SAMD9: variants seen among roughly 807,000 people sequenced by gnomAD.
The protein encoded by SAMD9 is sterile alpha motif domain containing 9.
A neutral mutation model predicts 1.5 loss-of-function variants in SAMD9; 3 were observed. That is an observed-to-expected ratio of 2.05 (90% CI 0.93 to 5.29). SAMD9 has a LOEUF of 5.29. Among genes scored for constraint, SAMD9 ranks in the 30% most tolerant of loss-of-function variants. The pLI is 0.02. For synonymous variants in SAMD9, 635 were observed against 631.9 expected, an observed-to-expected ratio of 1.00 and a Z score of -0.07; for missense variants, 1,597 against 1,820.8, an observed-to-expected ratio of 0.88 and a Z score of 2.24.
chr7:93,109,829 G>A (rs1791709031), intron 2 of SAMD9, among the ~76,000 whole-genome samples: 1 of 152,204 alleles, frequency 6.6e-6, no homozygotes, highest in South Asian at 2.1e-4. Context: ...ATCTACGTTT[G>A]ATTTGTGTAC....
chr7:93,102,855 A>G lies in SAMD9; in HGVS notation c.3243T>C (p.Asn1081=), dbSNP rs139484963. 41 of 1,613,732 alleles carry G rather than the reference A, an allele frequency of 2.5e-5. No individual in the cohort carries two copies. The highest frequency in any genetic ancestry group is 3.5e-5 in the Non-Finnish European group (41 of 1,179,804). Residue 1081 remains asparagine, a synonymous_variant, in exon 3 of 3, where the codon AAT becomes AAC. Coordinates refer to ENST00000379958, the MANE Select transcript of SAMD9 (RefSeq NM_017654.4). ...TTGCCAACGCTTGGCAAATGAATGC[A>G]TTTGGGTTGAACCGATGGATACTTT... ...LLESIHRFNP[N]AFICQALARH... is the part of the protein sequence containing the mutation.
intron 1 of SAMD9, 44 bp from the exon 2 acceptor site, chr7:93,114,939 A>G (rs1562779935): frequency 1.3e-5 from 2 of 152,236 alleles, no homozygotes; most frequent in Admixed American, 6.5e-5. Context: ...TCACAAAGTC[A>G]TCAATAGACC....
In SAMD9 at chr7:93,106,058, A is replaced by C; in HGVS notation, c.40T>G (p.Trp14Gly). ...CACTGATTTACATCCTCTTTTGTCCAATCATCTGTATTTTCTGGAAGGTTA... is the reference window on the plus strand; with the variant it reads ...CACTGATTTACATCCTCTTTTGTCCCATCATCTGTATTTTCTGGAAGGTTA... ...QLNLPENTDDWTKEDVNQWLE... is the reference protein window; with the variant it reads ...QLNLPENTDDGTKEDVNQWLE... Residue 14 changes from tryptophan to glycine, a missense_variant, in exon 3 of 3, where the codon TGG becomes GGG. By Grantham distance (184) the Trp-to-Gly change is radical. Around this residue, in one of 6 missense-constraint regions of SAMD9, gnomAD observed 498 missense variants for 457.4 expected, o/e 1.09. Transcript: ENST00000379958. The C allele has an allele frequency of 6.3e-7, 1 of 1,592,024 alleles. No individual in the cohort carries two copies. Among genetic ancestry groups the C allele is most frequent in the Non-Finnish European group, 8.5e-7 (1 of 1,173,648 alleles).
At chr7:93,108,124 A>G (rs1791674630) in intron 2 of SAMD9, among the ~76,000 whole-genome samples, 1 of 152,338 alleles carries the variant, frequency 6.6e-6, no homozygotes, top group South Asian at 2.1e-4. Context: ...AAATGGAAGA[A>G]TGGGTGTGGC....
rs1259165222 is a variant in SAMD9, at chr7:93,099,893, T to C, written c.*1435A>G. ...ATTTACAAATACTTTAGTATGTATC[T>C]CTAAAAGGCATGAACTCTTTAAAAA... is the stretch of plus-strand genomic sequence containing the variant. On this transcript the variant is annotated 3_prime_UTR_variant, in exon 3 of 3. Transcript: ENST00000379958. 1.3e-5 allele frequency: 2 copies of C among 152,210 alleles called. No individual in the cohort carries two copies. The highest frequency in any genetic ancestry group is 4.8e-5 in the African/African-American group (2 of 41,454). The allele number at this position is 152,210 out of a possible 1,614,324, so 9.4% of individuals were successfully genotyped here. A position where few individuals can be genotyped will look rare whatever the true frequency, so the allele number is the denominator to read the frequency against.
intron 2 of SAMD9, among the ~76,000 whole-genome samples, chr7:93,107,842 G>T (rs1791671008): frequency 6.6e-6 from 1 of 152,058 alleles, no homozygotes; most frequent in Non-Finnish European, 1.5e-5. Context: ...GGCAAAGATA[G>T]GCAATATCTT....
chr7:93,111,728 G>T (rs1236595711), intron 2 of SAMD9, among the ~76,000 whole-genome samples: 1 of 152,068 alleles, frequency 6.6e-6, no homozygotes, highest in African/African-American at 2.4e-5. Context: ...TAAATTCCTC[G>T]ACACATACAC....
In SAMD9 at chr7:93,102,085, G is replaced by A; in HGVS notation, c.4013C>T (p.Ala1338Val). 1 of 1,613,184 alleles carries A rather than the reference G, an allele frequency of 6.2e-7. No homozygotes were observed. ...QVERCRRNLVALKADKFSGLL... is the reference protein window; with the variant it reads ...QVERCRRNLVVLKADKFSGLL... ...CCCAGAAAACTTGTCTGCTTTTAAA[G>A]CTACTAGGTTTCTCCTGCATCTCTC... Residue 1338 changes from alanine to valine, a missense_variant, in exon 3 of 3, where the codon GCT (alanine) becomes GTT (valine). Physicochemically the swap from Ala to Val is moderately conservative, Grantham distance 64. Around this residue, in one of 6 missense-constraint regions of SAMD9, gnomAD observed 682 missense variants for 810.0 expected, o/e 0.84. Transcript: ENST00000379958.
At chr7:93,113,905 T>C (rs1261513684) in intron 2 of SAMD9, among the ~76,000 whole-genome samples, 1 of 152,160 alleles carries the variant, frequency 6.6e-6, no homozygotes, top group Non-Finnish European at 1.5e-5. Context: ...TCCTCAAGGA[T>C]CTAGAACTAG....
Position 93,102,644 on chromosome 7 carries a change from G to A in SAMD9, c.3454C>T (p.Leu1152Phe), listed in dbSNP as rs1791553808. The A allele has an allele frequency of 2.5e-6, 4 of 1,613,678 alleles. No homozygotes were observed. The highest frequency in any genetic ancestry group is 2.5e-6 in the Non-Finnish European group (3 of 1,179,796). The stretch of plus-strand genomic sequence containing the variant: ...GAGGCATGTTCTGCTAAATCCAAAA[G>A]AGCAATTAGATCATCAACTGAAATG... ...GNISVDDLIALLDLAEHASSA... is the reference protein window; with the variant it reads ...GNISVDDLIAFLDLAEHASSA... The change falls in exon 3 of 3, where the codon CTT becomes TTT. Residue 1152 changes from leucine (L) to phenylalanine (F), a missense_variant. Physicochemically the swap from Leu to Phe is conservative, Grantham distance 22. Transcript: ENST00000379958.
chr7:93,115,071 G>A (rs114162958), intron 1 of SAMD9, among the ~76,000 whole-genome samples, 176 bp from the exon 2 acceptor site: 2,428 of 152,238 alleles, frequency 0.016, 64 homozygotes, highest in African/African-American at 0.055. Context: ...ACCGGGAGGA[G>A]GAAAACCAGT....
Position 93,106,029 on chromosome 7 carries a change from TA to T in SAMD9, c.68del (p.Leu23Ter). Reference sequence around the variant, plus strand: ...GTTTTTGGTCAATCTTATGACTTTCTAACCACTGATTTACATCCTCTTTTGT... The same window carrying T: ...GTTTTTGGTCAATCTTATGACTTTCTACCACTGATTTACATCCTCTTTTGT... ...DWTKEDVNQW[L>X]ESHKIDQKHR... On this transcript the variant is annotated frameshift_variant, in exon 3 of 3. Coordinates refer to ENST00000379958, the MANE Select transcript of SAMD9 (RefSeq NM_017654.4). LOFTEE classifies it low-confidence loss of function (END_TRUNC). 6.3e-7 allele frequency: 1 copy of T among 1,591,232 alleles called. No individual in the cohort carries two copies. The highest frequency in any genetic ancestry group is 2.2e-5 in the East Asian group (1 of 44,754).
In SAMD9 at chr7:93,104,152, A is replaced by G; in HGVS notation, c.1946T>C (p.Met649Thr). The G allele has an allele frequency of 1.2e-6, 2 of 1,613,994 alleles. No homozygotes were observed. The highest frequency in any genetic ancestry group is 1.7e-6 in the Non-Finnish European group (2 of 1,179,886). ...TTCACAGATAATTTCCAGAGCAGTCATGATATCTTCTTCCTTTTTCAGAAG... is the reference window on the plus strand; with the variant it reads ...TTCACAGATAATTTCCAGAGCAGTCGTGATATCTTCTTCCTTTTTCAGAAG... Reference protein sequence around the residue: ...TVLLKKEEDIMTALEIICENE... With the variant: ...TVLLKKEEDITTALEIICENE... The change falls in exon 3 of 3, where the codon ATG (methionine) becomes ACG (threonine). Residue 649 changes from methionine (M) to threonine (T), a missense_variant. Met to Thr is a moderately conservative substitution (Grantham distance 81). Transcript: ENST00000379958.
Position 93,102,870 on chromosome 7 carries a change from A to C in SAMD9, c.3228T>G (p.His1076Gln). The part of the protein sequence containing the change: ...AVEAVLLESI[H>Q]RFNPNAFICQ... ...AAATGAATGCATTTGGGTTGAACCG[A>C]TGGATACTTTCAAGCAATACAGCTT... Residue 1076 changes from histidine to glutamine, a missense_variant, in exon 3 of 3, where the codon CAT becomes CAG. Physicochemically the swap from His to Gln is conservative, Grantham distance 24. Around this residue, in one of 6 missense-constraint regions of SAMD9, gnomAD observed 682 missense variants for 810.0 expected, o/e 0.84. Transcript: ENST00000379958. 6.2e-7 allele frequency: 1 copy of C among 1,613,832 alleles called. No individual in the cohort carries two copies. Among genetic ancestry groups the C allele is most frequent in the Admixed American group, 1.7e-5 (1 of 59,958 alleles).
At chr7:93,106,536 G>C (rs556704451) in intron 2 of SAMD9, among the ~76,000 whole-genome samples, 1 of 152,326 alleles carries the variant, frequency 6.6e-6, no homozygotes, top group African/African-American at 2.4e-5. Context: ...GCAAGTTTGT[G>C]AGATACATCA....
chr7:93,100,950 G>T lies in SAMD9; in HGVS notation c.*378C>A, dbSNP rs1467516770. On this transcript the variant is annotated 3_prime_UTR_variant, in exon 3 of 3. Coordinates refer to ENST00000379958, the MANE Select transcript of SAMD9 (RefSeq NM_017654.4). Reference sequence around the variant, plus strand: ...GCTGTCTTTGAGAAATATTTTCCCAGACATTCTAATGTCTAAATGCCATTT... The same window carrying T: ...GCTGTCTTTGAGAAATATTTTCCCATACATTCTAATGTCTAAATGCCATTT... 8.3e-6 allele frequency: 2 copies of T among 241,758 alleles called. No homozygotes were observed. The highest frequency in any genetic ancestry group is 1.6e-5 in the Non-Finnish European group (2 of 123,562). 15.0% of individuals were successfully genotyped at this position (241,758 alleles called of 1,614,324 possible). A position where few individuals can be genotyped will look rare whatever the true frequency, so the allele number is the denominator to read the frequency against.
chr7:93,103,876 C>A lies in SAMD9; in HGVS notation c.2222G>T (p.Cys741Phe). Residue 741 changes from cysteine (C) to phenylalanine (F), a missense_variant, in exon 3 of 3, where the codon TGT (cysteine) becomes TTT (phenylalanine). Physicochemically the swap from Cys to Phe is radical, Grantham distance 205. This residue lies in a region of SAMD9 where 358 missense variants were observed against 460.4 expected (regional missense o/e 0.78). Coordinates refer to ENST00000379958, the MANE Select transcript of SAMD9 (RefSeq NM_017654.4). Reference protein sequence around the residue: ...KIIHLYHHPGCGGTTLAMHIL... With the variant: ...KIIHLYHHPGFGGTTLAMHIL... Reference sequence around the variant, plus strand: ...GTGCATAGCCAAGGTAGTTCCCCCACAGCCTGGATGATGATACAGATGAAT... The same window carrying A: ...GTGCATAGCCAAGGTAGTTCCCCCAAAGCCTGGATGATGATACAGATGAAT... The A allele has an allele frequency of 6.2e-7, 1 of 1,614,002 alleles. No homozygotes were observed.
chr7:93,106,956 C>A (rs925160672), intron 2 of SAMD9, among the ~76,000 whole-genome samples: 2 of 152,190 alleles, frequency 1.3e-5, no homozygotes, highest in Non-Finnish European at 2.9e-5. Flanking sequence ...TTAACTTGCA[C>A]AACTCAGGTA....
chr7:93,103,998 A>G lies in SAMD9; in HGVS notation c.2100T>C (p.Ser700=). ...CCCTTTTGACAAAAGGTGAAGAATAACTTTCAGAAGAGAAGTAGAAGTTCC... is the reference window on the plus strand; with the variant it reads ...CCCTTTTGACAAAAGGTGAAGAATAGCTTTCAGAAGAGAAGTAGAAGTTCC... ...SWWNFYFSSE[S]YSSPFVKRDK... Residue 700 remains serine, a synonymous_variant, in exon 3 of 3, where the codon AGT becomes AGC. Coordinates refer to ENST00000379958, the MANE Select transcript of SAMD9 (RefSeq NM_017654.4). The G allele has an allele frequency of 6.2e-7, 1 of 1,613,938 alleles. No homozygotes were observed. Among genetic ancestry groups the G allele is most frequent in the Non-Finnish European group, 8.5e-7 (1 of 1,179,828 alleles).
Sources: gnomAD v4.1 joint callset for allele counts (sites outside exome capture counted in the v4.1 genomes callset) on GRCh38, gnomAD v4.1.1 for gene constraint, gnomAD v4.1.1 regional missense constraint, MANE v1.5 for transcripts, NCBI Gene and HGNC (gene_info 2026-07-23, HGNC 2026-07-21) for gene names.